The following PPP1R13B variants were observed in gnomAD, a reference collection of about 807,000 sequenced individuals.
The protein encoded by PPP1R13B is protein phosphatase 1 regulatory subunit 13B.
Under a neutral mutation model 119.8 loss-of-function variants are expected in PPP1R13B, and 44 were observed. That is an observed-to-expected ratio of 0.37 (90% CI 0.29 to 0.47). The LOEUF is 0.47. Among genes scored for constraint, PPP1R13B ranks in the 20% least tolerant of loss-of-function variants. The pLI is 0.99. For synonymous variants in PPP1R13B, 542 were observed against 561.5 expected (o/e 0.97, Z 0.49); for missense variants, 1,227 against 1,413.5 (o/e 0.87, Z 2.12).
intron 2 of PPP1R13B, among the ~76,000 whole-genome samples, chr14:103,795,516 G>A (rs73367018): frequency 0.027 from 4,039 of 152,248 alleles, 194 homozygotes; most frequent in African/African-American, 0.092. Flanking sequence ...CGAGTGACTC[G>A]TATGAGAGAG....
chr14:103,811,008 G>A (rs2152058259), intron 1 of PPP1R13B, among the ~76,000 whole-genome samples: 1 of 141,082 alleles, frequency 7.1e-6, no homozygotes, highest in South Asian at 2.3e-4. Context: ...CAGGAGAATT[G>A]CTTAAACCCG....
intron 4 of PPP1R13B, among the ~76,000 whole-genome samples, chr14:103,763,705 T>C (rs1448863946): frequency 6.6e-6 from 1 of 152,218 alleles, no homozygotes; most frequent in Non-Finnish European, 1.5e-5. Context: ...AATTTAGTTA[T>C]TTTAGCAAAT....
chr14:103,772,251 A>G (rs1283059433), intron 4 of PPP1R13B, among the ~76,000 whole-genome samples: 4 of 152,252 alleles, frequency 2.6e-5, no homozygotes, highest in Non-Finnish European at 4.4e-5. Flanking sequence ...GTTAACGAAC[A>G]TTTGGGTTGT....
chr14:103,802,621 C>T (rs998918058), intron 1 of PPP1R13B, among the ~76,000 whole-genome samples: 3 of 152,198 alleles, frequency 2.0e-5, no homozygotes, highest in African/African-American at 7.2e-5. Context: ...CTTAGGCACT[C>T]ACAGAGGCAC....
chr14:103,766,070 G>C (rs188863055), intron 4 of PPP1R13B, among the ~76,000 whole-genome samples: 1 of 151,060 alleles, frequency 6.6e-6, no homozygotes, highest in African/African-American at 2.4e-5. Context: ...GCGCAGTGGC[G>C]CCATCTCGGC....
At chr14:103,743,253 C>A (rs376870021) in intron 9 of PPP1R13B, among the ~76,000 whole-genome samples, 18 of 152,358 alleles carry the variant, frequency 1.2e-4, no homozygotes, top group African/African-American at 3.8e-4. Context: ...TATCTTTTGA[C>A]TTCATAATAG....
intron 1 of PPP1R13B, among the ~76,000 whole-genome samples, chr14:103,826,929 A>G (rs1465576215): frequency 4.6e-5 from 7 of 151,554 alleles, no homozygotes; most frequent in Admixed American, 4.6e-4. Flanking sequence ...AGAGAATGGC[A>G]TGAACCCGGG....
intron 1 of PPP1R13B, among the ~76,000 whole-genome samples, chr14:103,826,835 T>A (rs373129827): frequency 7.2e-6 from 1 of 138,784 alleles, no homozygotes; most frequent in South Asian, 2.4e-4. Context: ...GGTGAAACCC[T>A]GTCTCTACTA....
chr14:103,839,522 G>C (rs982189936), intron 1 of PPP1R13B, among the ~76,000 whole-genome samples: 1 of 151,640 alleles, frequency 6.6e-6, no homozygotes, highest in East Asian at 1.9e-4. Context: ...AGCTACTCGA[G>C]AGGCTGAGTC....
chr14:103,778,716 A>T lies in PPP1R13B; in HGVS notation c.354+29T>A, dbSNP rs183690753. 3.3e-5 allele frequency: 52 copies of T among 1,589,224 alleles called. No individual in the cohort carries two copies. In the East Asian group the frequency reaches 8.3e-4, roughly 25 times the overall value. On this transcript the variant is annotated intron_variant, in intron 4 of 16. Coordinates refer to ENST00000202556, the MANE Select transcript of PPP1R13B (RefSeq NM_015316.3). The stretch of plus-strand genomic sequence containing the variant: ...CCACTGCACCTAGCCATCAATTTTT[A>T]AAATTCAATTTAATTCACTGTCACT...
chr14:103,759,079 C>T (rs1189957577), intron 4 of PPP1R13B: 1 of 152,016 alleles, frequency 6.6e-6, no homozygotes. Context: ...CTGCCTCAGT[C>T]TCCCGAATAG....
intron 5 of PPP1R13B, among the ~76,000 whole-genome samples, chr14:103,756,948 G>C (rs1250218201): frequency 6.6e-6 from 1 of 151,736 alleles, no homozygotes; most frequent in Non-Finnish European, 1.5e-5. Context: ...ATTTTTAGTA[G>C]AGACGGAGTT....
rs1030601721 is a variant in PPP1R13B, at chr14:103,734,873, A to C, written c.*281T>G. The C allele has an allele frequency of 1.9e-6, 1 of 536,926 alleles. No individual in the cohort carries two copies. Among genetic ancestry groups the C allele is most frequent in the African/African-American group, 1.9e-5 (1 of 52,886 alleles). 33.3% of individuals were successfully genotyped at this position (536,926 alleles called of 1,614,324 possible). ...CCAACCGGGGGTTATGGGACTTCTT[A>C]ATGGCAAGAGGGGTGGGTGTTTTGA... On this transcript the variant is annotated 3_prime_UTR_variant, in exon 17 of 17. Coordinates refer to ENST00000202556, the MANE Select transcript of PPP1R13B (RefSeq NM_015316.3).
intron 16 of PPP1R13B, among the ~76,000 whole-genome samples, chr14:103,735,707 G>C (rs767050684): frequency 1.1e-4 from 16 of 152,218 alleles, no homozygotes; most frequent in Non-Finnish European, 1.8e-4. Context: ...GTGTGGGTGG[G>C]CTGAGCCGGG....
chr14:103,805,450 A>AG (rs574205489), intron 1 of PPP1R13B, among the ~76,000 whole-genome samples: 121 of 152,214 alleles, frequency 7.9e-4, no homozygotes, highest in Middle Eastern at 3.4e-3. Context: ...ACACGTCTAT[A>AG]GTCCCAGCTA....
At chr14:103,844,075 T>C (rs558348742) in intron 1 of PPP1R13B, among the ~76,000 whole-genome samples, 60 of 152,036 alleles carry the variant, frequency 3.9e-4, no homozygotes, top group East Asian at 7.8e-4. Flanking sequence ...GAGACCAGCT[T>C]GAGCAACAAG....
rs543429749 is a variant in PPP1R13B at position 103,829,483 on chromosome 14, T to G, written c.9+17816A>C. 8.5e-5 allele frequency among the ~76,000 whole-genome samples: 13 copies of G among 152,374 alleles called. No individual in the cohort carries two copies. In the South Asian group the frequency reaches 2.7e-3, roughly 32 times the overall value. The stretch of plus-strand genomic sequence containing the variant: ...GTTGTTGCCCAGGCTGGTCTCAGAC[T>G]GCTGCTGGCCTCAAGCAACCCTCCT... On this transcript the variant is annotated intron_variant, in intron 1 of 16. Transcript: ENST00000202556.
intron 1 of PPP1R13B, among the ~76,000 whole-genome samples, chr14:103,830,092 AT>A (rs2086635208): frequency 7.5e-6 from 1 of 132,502 alleles, no homozygotes; most frequent in Non-Finnish European, 1.6e-5. Flanking sequence ...TTTTATTTTT[AT>A]TTTATTTATT....
At chr14:103,791,743 T>C (rs949279562) in intron 2 of PPP1R13B, among the ~76,000 whole-genome samples, 2 of 152,080 alleles carry the variant, frequency 1.3e-5, no homozygotes. Flanking sequence ...ACAAACAAAA[T>C]ATATATATAG....
Sources: allele counts gnomAD v4.1 joint callset (sites outside exome capture counted in the v4.1 genomes callset), GRCh38; gene constraint gnomAD v4.1.1; transcripts MANE v1.5; gene names NCBI Gene and HGNC (gene_info 2026-07-23, HGNC 2026-07-21).